Variants in TXNDC16 observed in about 807,000 individuals in gnomAD.
The protein encoded by TXNDC16 is thioredoxin domain containing 16.
Under a neutral mutation model 85.6 loss-of-function variants are expected in TXNDC16, and 74 were observed. The observed-to-expected ratio is 0.86, with a 90% confidence interval of 0.72 to 1.05. The LOEUF (loss-of-function observed/expected upper bound fraction) is 1.05. Ranked by LOEUF, TXNDC16 falls within the 50% of genes least tolerant of loss-of-function variation. TXNDC16 has a pLI of 0.00. For synonymous variants in TXNDC16, 335 were observed against 326.5 expected, an observed-to-expected ratio of 1.03 and a Z score of -0.28; for missense variants, 959 against 947.0, an observed-to-expected ratio of 1.01 and a Z score of -0.17.
At chr14:52,540,682 T>C (rs2037810525) in intron 4 of TXNDC16, among the ~76,000 whole-genome samples, 1 of 152,194 alleles carries the variant, frequency 6.6e-6, no homozygotes, top group Non-Finnish European at 1.5e-5. Context: ...CCTATTACAA[T>C]GATCAGGTTC....
intron 4 of TXNDC16, 59 bp downstream of exon 4, chr14:52,542,312 A>T: frequency 3.6e-6 from 4 of 1,102,712 alleles, no homozygotes; most frequent in Non-Finnish European, 5.4e-6. Flanking sequence ...TTCAATCTTA[A>T]GCCATAAAGT....
intron 12 of TXNDC16, among the ~76,000 whole-genome samples, chr14:52,487,219 A>C (rs1399716716): frequency 6.6e-6 from 1 of 152,242 alleles, no homozygotes; most frequent in Non-Finnish European, 1.5e-5. Context: ...AAGCCCACTG[A>C]GAACTCCAGA....
chr14:52,448,593 A>G (rs1045987927), intron 18 of TXNDC16, among the ~76,000 whole-genome samples: 3 of 152,126 alleles, frequency 2.0e-5, no homozygotes, highest in Admixed American at 6.5e-5. Context: ...AAATTCATCT[A>G]AAAGTACAAA....
chr14:52,500,163 A>G (rs187433652), intron 9 of TXNDC16, among the ~76,000 whole-genome samples: 2 of 152,312 alleles, frequency 1.3e-5, no homozygotes, highest in Admixed American at 1.3e-4. Context: ...ACCCATGTCC[A>G]TTGCAGCATT....
At chr14:52,530,232 C>CATATAATATATAATATATATT (rs2037475924) in intron 6 of TXNDC16, among the ~76,000 whole-genome samples, 1 of 40,066 alleles carries the variant, frequency 2.5e-5, no homozygotes, top group African/African-American at 1.4e-4. Context: ...TATAATATTA[C>CATATAATATATAATATATATT]ATATAATAAT....
intron 6 of TXNDC16, among the ~76,000 whole-genome samples, chr14:52,526,711 A>C (rs2037343302): frequency 6.6e-6 from 1 of 152,204 alleles, no homozygotes; most frequent in Non-Finnish European, 1.5e-5. Context: ...GTGTATGCTA[A>C]TGTGCTGACT....
At chr14:52,522,843 C>T (rs1430472109) in intron 6 of TXNDC16, among the ~76,000 whole-genome samples, 2 of 152,198 alleles carry the variant, frequency 1.3e-5, no homozygotes, top group Non-Finnish European at 2.9e-5. Flanking sequence ...GCAATGCACT[C>T]TGTCTTGTTT....
intron 18 of TXNDC16, among the ~76,000 whole-genome samples, chr14:52,450,528 C>A (rs1418881619): frequency 6.7e-6 from 1 of 150,006 alleles, no homozygotes; most frequent in East Asian, 1.9e-4. Flanking sequence ...AGAACTAATA[C>A]CAATTATCAG....
chr14:52,432,061 T>A lies in TXNDC16; in HGVS notation c.*243A>T. 3.1e-6 allele frequency: 1 copy of A among 322,824 alleles called. No homozygotes were observed. Among genetic ancestry groups the A allele is most frequent in the Non-Finnish European group, 5.5e-6 (1 of 180,718 alleles). The allele number at this position is 322,824 out of a possible 1,614,324, so 20.0% of individuals were successfully genotyped here. On this transcript the variant is annotated 3_prime_UTR_variant, in exon 21 of 21. Coordinates refer to ENST00000281741, the MANE Select transcript of TXNDC16 (RefSeq NM_020784.3). ...GATGTAAAATATCTCATTAATAATT[T>A]CTATATTTCGCTATTTTGGGTATAC...
At chr14:52,525,277 A>T (rs2037301058) in intron 6 of TXNDC16, among the ~76,000 whole-genome samples, 1 of 152,158 alleles carries the variant, frequency 6.6e-6, no homozygotes, top group African/African-American at 2.4e-5. Context: ...AGCACTGGGC[A>T]AAATCCGTAA....
intron 18 of TXNDC16, among the ~76,000 whole-genome samples, chr14:52,451,260 AT>A (rs1159379420): frequency 6.6e-6 from 1 of 151,484 alleles, no homozygotes; most frequent in African/African-American, 2.4e-5. Context: ...ACCTATTGAA[AT>A]TTAAAAAAAA....
chr14:52,525,664 C>G (rs2037313443), intron 6 of TXNDC16, among the ~76,000 whole-genome samples: 1 of 150,564 alleles, frequency 6.6e-6, no homozygotes, highest in Non-Finnish European at 1.5e-5. Flanking sequence ...CACCACTGCA[C>G]TCCAGGCTGG....
intron 16 of TXNDC16, among the ~76,000 whole-genome samples, chr14:52,466,533 G>A (rs2035779536): frequency 6.6e-6 from 1 of 151,328 alleles, no homozygotes; most frequent in Non-Finnish European, 1.5e-5. Context: ...TAGTCCTGGA[G>A]AAAATACAAG....
intron 6 of TXNDC16, among the ~76,000 whole-genome samples, chr14:52,525,677 G>A (rs1037744473): frequency 2.0e-5 from 3 of 149,478 alleles, no homozygotes; most frequent in Admixed American, 6.7e-5. Flanking sequence ...CAGGCTGGGC[G>A]ACAGAGTGAG....
chr14:52,439,879 A>G (rs917403163), intron 19 of TXNDC16, among the ~76,000 whole-genome samples: 10 of 139,998 alleles, frequency 7.1e-5, no homozygotes, highest in African/African-American at 2.7e-4. Flanking sequence ...TCATACAAGG[A>G]AACTCTAAGT....
At chr14:52,491,434 G>C (rs1233060310) in intron 9 of TXNDC16, among the ~76,000 whole-genome samples, 1 of 147,448 alleles carries the variant, frequency 6.8e-6, no homozygotes, top group Non-Finnish European at 1.5e-5. Flanking sequence ...CTGGGCTCAA[G>C]TGATCCTCCC....
chr14:52,435,797 C>G (rs547551713), intron 20 of TXNDC16, among the ~76,000 whole-genome samples: 1 of 151,494 alleles, frequency 6.6e-6, no homozygotes. Flanking sequence ...CCTGTCTCTA[C>G]AAAAACAAAA....
At chr14:52,469,674 C>T (rs1439799932) in intron 16 of TXNDC16, among the ~76,000 whole-genome samples, 1 of 151,948 alleles carries the variant, frequency 6.6e-6, no homozygotes, top group African/African-American at 2.4e-5. Flanking sequence ...ACCCAGGAGG[C>T]AGAGGTTGCA....
At chr14:52,462,669 T>C in intron 16 of TXNDC16, 2 of 274,246 alleles carry the variant, frequency 7.3e-6, no homozygotes, top group South Asian at 6.7e-5. Context: ...AAACAGGCAA[T>C]AAAAATACTG....
Sources: gnomAD v4.1 joint callset for allele counts (sites outside exome capture counted in the v4.1 genomes callset) on GRCh38, gnomAD v4.1.1 for gene constraint, MANE v1.5 for transcripts, NCBI Gene and HGNC (gene_info 2026-07-23, HGNC 2026-07-21) for gene names.